Variants in EPHA3 observed in about 807,000 individuals in gnomAD.
EPHA3 encodes the protein EPH receptor A3, also known as ephrin type-A receptor 3.
A neutral mutation model predicts 107.1 loss-of-function variants in EPHA3; 42 were observed. That is an observed-to-expected ratio of 0.39 (90% CI 0.31 to 0.51). EPHA3 has a LOEUF of 0.51. EPHA3 is among the 20% of genes least tolerant of loss of function. EPHA3 has a pLI of 0.78. For synonymous variants in EPHA3, 461 were observed against 424.8 expected, an observed-to-expected ratio of 1.09 and a Z score of -1.05; for missense variants, 1,183 against 1,211.2, an observed-to-expected ratio of 0.98 and a Z score of 0.35.
At chr3:89,456,928 T>C (rs765127926) in intron 15 of EPHA3, among the ~76,000 whole-genome samples, 2 of 152,154 alleles carry the variant, frequency 1.3e-5, no homozygotes, top group African/African-American at 4.8e-5. Flanking sequence ...GTAGCTTCCA[T>C]CCTCAACAGC....
intron 10 of EPHA3, among the ~76,000 whole-genome samples, chr3:89,418,961 G>A (rs113052319): frequency 2.0e-5 from 3 of 151,186 alleles, no homozygotes; most frequent in African/African-American, 4.8e-5. Context: ...TTATAGTGTC[G>A]TACTTTAAAG....
chr3:89,469,469 G>T (rs1710358931), intron 15 of EPHA3, among the ~76,000 whole-genome samples: 1 of 152,166 alleles, frequency 6.6e-6, no homozygotes, highest in Non-Finnish European at 1.5e-5. Flanking sequence ...CCAAGTAATA[G>T]CATGTAGGTG....
chr3:89,432,706 C>G (rs1158272003), intron 13 of EPHA3, among the ~76,000 whole-genome samples: 1 of 151,778 alleles, frequency 6.6e-6, no homozygotes, highest in Non-Finnish European at 1.5e-5. Context: ...TAAATTTAGC[C>G]TTTCGATTTT....
chr3:89,381,901 C>T (rs1487113113), intron 5 of EPHA3, among the ~76,000 whole-genome samples: 2 of 152,110 alleles, frequency 1.3e-5, no homozygotes, highest in Non-Finnish European at 2.9e-5. Context: ...ACTTGCCAGT[C>T]TCCACAGCTG....
chr3:89,349,432 T>C, intron 5 of EPHA3, among the ~76,000 whole-genome samples: 1 of 139,004 alleles, frequency 7.2e-6, no homozygotes, highest in African/African-American at 2.8e-5. Context: ...GAGACTAGGA[T>C]TGCAACCCCT....
intron 2 of EPHA3, among the ~76,000 whole-genome samples, chr3:89,152,377 G>T (rs1405645074): frequency 6.6e-6 from 1 of 151,918 alleles, no homozygotes; most frequent in Non-Finnish European, 1.5e-5. Flanking sequence ...AACTGCACAG[G>T]CCTTCTCTTT....
intron 3 of EPHA3, among the ~76,000 whole-genome samples, chr3:89,218,361 A>G (rs1412127373): frequency 2.2e-5 from 3 of 139,442 alleles, no homozygotes; most frequent in East Asian, 2.2e-4. Context: ...TCGTTGTTCA[A>G]TTCCCACCTA....
At chr3:89,360,248 A>G (rs1306793677) in intron 5 of EPHA3, among the ~76,000 whole-genome samples, 2 of 150,878 alleles carry the variant, frequency 1.3e-5, no homozygotes, top group East Asian at 3.9e-4. Flanking sequence ...AAATGTGAAA[A>G]CAGTTTGCTC....
At chr3:89,219,370 T>G (rs1704293408) in intron 3 of EPHA3, among the ~76,000 whole-genome samples, 1 of 151,826 alleles carries the variant, frequency 6.6e-6, no homozygotes. Context: ...TCCATGTTGG[T>G]CAGGCTGGTC....
At chr3:89,285,577 T>A (rs370364377) in intron 3 of EPHA3, among the ~76,000 whole-genome samples, 1 of 152,144 alleles carries the variant, frequency 6.6e-6, no homozygotes. Flanking sequence ...CCTGAAAGAA[T>A]TGAGTGGGCA....
At chr3:89,347,011 G>T (rs1185028698) in intron 5 of EPHA3, among the ~76,000 whole-genome samples, 2 of 142,472 alleles carry the variant, frequency 1.4e-5, no homozygotes, top group African/African-American at 2.6e-5. Context: ...TGCTGTTTTG[G>T]TTACTGTAGC....
intron 3 of EPHA3, among the ~76,000 whole-genome samples, chr3:89,311,908 G>T (rs1293292122): frequency 6.6e-6 from 1 of 151,970 alleles, no homozygotes; most frequent in Non-Finnish European, 1.5e-5. Context: ...ATGTGAAATG[G>T]CCAAGAATAT....
At chr3:89,444,626 T>C (rs1709846610) in intron 13 of EPHA3, among the ~76,000 whole-genome samples, 1 of 152,124 alleles carries the variant, frequency 6.6e-6, no homozygotes, top group African/African-American at 2.4e-5. Flanking sequence ...TTAAAGGGAA[T>C]TGAAAGGAAG....
intron 2 of EPHA3, among the ~76,000 whole-genome samples, chr3:89,173,384 T>C (rs1705251042): frequency 6.6e-6 from 1 of 152,098 alleles, no homozygotes; most frequent in African/African-American, 2.4e-5. Flanking sequence ...TTCAGTGGTA[T>C]AGTACTTTTA....
chr3:89,193,143 A>G (rs1363562259), intron 2 of EPHA3, among the ~76,000 whole-genome samples: 2 of 152,052 alleles, frequency 1.3e-5, no homozygotes, highest in East Asian at 3.9e-4. Flanking sequence ...ATATCTGAAT[A>G]TCTTCTCTTT....
chr3:89,267,139 G>A (rs183713466), intron 3 of EPHA3, among the ~76,000 whole-genome samples: 26 of 152,164 alleles, frequency 1.7e-4, no homozygotes, highest in Middle Eastern at 6.8e-3. Context: ...AAAGGAAATA[G>A]GATAAAACAT....
At chr3:89,156,152 T>G (rs1704802039) in intron 2 of EPHA3, among the ~76,000 whole-genome samples, 2 of 152,020 alleles carry the variant, frequency 1.3e-5, no homozygotes, top group African/African-American at 4.8e-5. Context: ...GCACTAAGTA[T>G]CTCATCAGGA....
intron 2 of EPHA3, among the ~76,000 whole-genome samples, chr3:89,139,336 G>A (rs1259920178): frequency 1.3e-5 from 2 of 151,840 alleles, no homozygotes; most frequent in East Asian, 1.9e-4. Flanking sequence ...TTTAAATCTT[G>A]TGGGTGATAT....
At chr3:89,387,260 A>G (rs947476132) in intron 5 of EPHA3, among the ~76,000 whole-genome samples, 3 of 152,112 alleles carry the variant, frequency 2.0e-5, no homozygotes, top group Admixed American at 6.5e-5. Context: ...CTAGGAGGGA[A>G]CCATGGGTGG....
Sources: gnomAD v4.1 joint callset for allele counts (sites outside exome capture counted in the v4.1 genomes callset) on GRCh38, gnomAD v4.1.1 for gene constraint, MANE v1.5 for transcripts, NCBI Gene and HGNC (gene_info 2026-07-23, HGNC 2026-07-21) for gene names.